MAPK10: variants seen among roughly 807,000 people sequenced by gnomAD.
The protein encoded by MAPK10 is JNK3 alpha protein kinase.
MAPK10 carries 25 observed loss-of-function variants against 59.3 expected under a neutral mutation model. That is an observed-to-expected ratio of 0.42 (90% confidence interval 0.31 to 0.59). The LOEUF (loss-of-function observed/expected upper bound fraction) is 0.59, where lower values mean the gene tolerates loss of function less well. Among genes scored for constraint, MAPK10 ranks in the 20% least tolerant of loss-of-function variants. MAPK10 has a pLI of 0.15. For synonymous variants in MAPK10, 190 were observed against 200.5 expected, an observed-to-expected ratio of 0.95 and a Z score of 0.44; for missense variants, 351 against 568.9, an observed-to-expected ratio of 0.62 and a Z score of 3.90.
intron 10 of MAPK10, among the ~76,000 whole-genome samples, chr4:86,066,978 AT>A (rs1010621827): frequency 3.3e-5 from 5 of 152,064 alleles, no homozygotes; most frequent in Non-Finnish European, 7.4e-5. Context: ...CTCTTTGGTT[AT>A]TTGTATATTA....
At chr4:86,515,792 G>A (rs908921130) in intron 1 of MAPK10, among the ~76,000 whole-genome samples, 28 of 151,474 alleles carry the variant, frequency 1.8e-4, no homozygotes, top group Admixed American at 9.2e-4. Context: ...CGGGTTGTCT[G>A]TTTACTCTGC....
At chr4:86,086,190 A>C (rs2051790403) in intron 9 of MAPK10, among the ~76,000 whole-genome samples, 1 of 152,160 alleles carries the variant, frequency 6.6e-6, no homozygotes, top group Admixed American at 6.6e-5. Context: ...AAATTAATTT[A>C]AAAAATCAAA....
intron 1 of MAPK10, among the ~76,000 whole-genome samples, chr4:86,537,190 A>G (rs1758313938): frequency 6.6e-6 from 1 of 152,224 alleles, no homozygotes; most frequent in Admixed American, 6.5e-5. Flanking sequence ...GATGGTGGCA[A>G]AGGCAGAGTG....
chr4:86,142,973 C>T (rs1233267432), intron 4 of MAPK10, among the ~76,000 whole-genome samples: 1 of 152,174 alleles, frequency 6.6e-6, no homozygotes, highest in Non-Finnish European at 1.5e-5. Context: ...AGTCCATTCT[C>T]ATGCTGCTAT....
At chr4:86,101,328 G>A in intron 7 of MAPK10, 111 bp from the exon 8 acceptor site, 2 of 669,374 alleles carry the variant, frequency 3.0e-6, no homozygotes, top group Non-Finnish European at 5.1e-6. Flanking sequence ...GGTCCCCCTT[G>A]CCTACAGAGC....
intron 1 of MAPK10, among the ~76,000 whole-genome samples, chr4:86,414,693 T>C (rs1384000149): frequency 6.6e-6 from 1 of 152,172 alleles, no homozygotes; most frequent in African/African-American, 2.4e-5. Flanking sequence ...AAGCTAATAC[T>C]TCCTAACTGA....
Position 86,017,763 on chromosome 4 carries a change from G to A in MAPK10, c.1253-393C>T, listed in dbSNP as rs148614408. ...TTTTGAGATGGAGTCTCGCTCTGTC[G>A]CCAGGCTGGAGTGCAGCGGCACAAT... On this transcript the variant is annotated intron_variant, in intron 13 of 13. Transcript: ENST00000641462. This position sits in a 1 kb window ranked among gnomAD's most constrained non-coding sequence, Gnocchi z 4.4. Among the ~76,000 whole-genome samples the A allele has an allele frequency of 0.036, 5,468 of 151,914 alleles. 140 individuals are homozygous for A. The highest frequency in any genetic ancestry group is 0.088 in the Middle Eastern group (26 of 294).
intron 1 of MAPK10, among the ~76,000 whole-genome samples, chr4:86,556,873 G>GCAAGAAAACAGTGTAAGGACAA (rs1382891416): frequency 2.0e-5 from 3 of 152,024 alleles, no homozygotes; most frequent in African/African-American, 7.2e-5. Flanking sequence ...AAGAAAACAG[G>GCAAGAAAACAGTGTAAGGACAA]TTCTAAGATG....
chr4:86,484,769 A>T (rs1753862528), intron 1 of MAPK10, among the ~76,000 whole-genome samples: 1 of 152,204 alleles, frequency 6.6e-6, no homozygotes. Flanking sequence ...AACTTAAAGA[A>T]ATTAAGTTAC....
intron 1 of MAPK10, among the ~76,000 whole-genome samples, chr4:86,548,225 C>T (rs1448660181): frequency 2.0e-5 from 3 of 151,992 alleles, no homozygotes; most frequent in Admixed American, 6.5e-5. Context: ...AGACGCGCTG[C>T]CTTAAGAGCT....
chr4:86,413,480 G>C (rs1467126981), intron 1 of MAPK10, among the ~76,000 whole-genome samples: 1 of 152,196 alleles, frequency 6.6e-6, no homozygotes, highest in African/African-American at 2.4e-5. Flanking sequence ...AGAAATTTCT[G>C]CTGCCTTTTG....
At chr4:86,341,087 T>G (rs1418769184) in intron 2 of MAPK10, among the ~76,000 whole-genome samples, 1 of 152,168 alleles carries the variant, frequency 6.6e-6, no homozygotes, top group Non-Finnish European at 1.5e-5. Flanking sequence ...TATGTAACTA[T>G]GACACAAAGG....
At chr4:86,406,693 G>A (rs915384234) in intron 1 of MAPK10, among the ~76,000 whole-genome samples, 1 of 152,188 alleles carries the variant, frequency 6.6e-6, no homozygotes, top group Non-Finnish European at 1.5e-5. Context: ...GAGAGCCAGG[G>A]CCAGCAAAAG....
intron 1 of MAPK10, among the ~76,000 whole-genome samples, chr4:86,549,977 A>G (rs1199616661): frequency 1.3e-5 from 2 of 152,198 alleles, no homozygotes; most frequent in East Asian, 3.8e-4. Flanking sequence ...AAATCTTACA[A>G]GTGATCTGTA....
chr4:86,572,072 C>A (rs1462367547), intron 1 of MAPK10, among the ~76,000 whole-genome samples: 2 of 151,954 alleles, frequency 1.3e-5, no homozygotes, highest in Non-Finnish European at 2.9e-5. Context: ...TGTAGGATCA[C>A]CAAAATCACA....
chr4:86,511,144 C>T (rs1756203072), intron 1 of MAPK10, among the ~76,000 whole-genome samples: 2 of 152,198 alleles, frequency 1.3e-5, no homozygotes, highest in Admixed American at 1.3e-4. Context: ...ACCACATGTA[C>T]CCCAAAAATG....
chr4:86,225,958 A>T (rs1301000792), intron 2 of MAPK10, among the ~76,000 whole-genome samples: 2 of 152,240 alleles, frequency 1.3e-5, no homozygotes, highest in African/African-American at 4.8e-5. Flanking sequence ...ATATACATTT[A>T]GAAAAAGAAA....
At chr4:86,423,722 T>C (rs887683053) in intron 1 of MAPK10, among the ~76,000 whole-genome samples, 2 of 148,144 alleles carry the variant, frequency 1.4e-5, no homozygotes, top group African/African-American at 5.0e-5. Flanking sequence ...AGTAGCCTGG[T>C]TTCCCTGGAA....
intron 1 of MAPK10, among the ~76,000 whole-genome samples, chr4:86,365,720 A>C (rs1302126600): frequency 2.0e-5 from 3 of 152,164 alleles, no homozygotes; most frequent in Non-Finnish European, 4.4e-5. Flanking sequence ...ACAATATCAC[A>C]TATTTGAACT....
Sources: allele counts gnomAD v4.1 joint callset (sites outside exome capture counted in the v4.1 genomes callset), GRCh38; gene constraint gnomAD v4.1.1; non-coding constraint Gnocchi (gnomAD v3.1); transcripts MANE v1.5; gene names NCBI Gene and HGNC (gene_info 2026-07-23, HGNC 2026-07-21).